Variants in KIF20B observed in about 807,000 individuals in gnomAD.
KIF20B encodes the protein kinesin-like protein KIF20B.
Under a neutral mutation model 232.5 loss-of-function variants are expected in KIF20B, and 188 were observed. The ratio of observed to expected loss-of-function variants is 0.81; its 90% CI spans 0.72 to 0.91. The LOEUF is 0.91. Among genes scored for constraint, KIF20B ranks in the 40% least tolerant of loss-of-function variants. KIF20B has a pLI of 0.00. For synonymous variants in KIF20B, 712 were observed against 683.0 expected, an observed-to-expected ratio of 1.04 and a Z score of -0.66; for missense variants, 2,154 against 2,055.9, an observed-to-expected ratio of 1.05 and a Z score of -0.92.
intron 22 of KIF20B, among the ~76,000 whole-genome samples, chr10:89,745,009 C>T (rs1178662720): frequency 6.6e-6 from 1 of 152,068 alleles, no homozygotes; most frequent in African/African-American, 2.4e-5. Flanking sequence ...TTATTTTTTT[C>T]CAATCTTGCA....
At chr10:89,736,861 C>G (rs1314298140) in intron 19 of KIF20B, among the ~76,000 whole-genome samples, 1 of 152,002 alleles carries the variant, frequency 6.6e-6, no homozygotes, top group African/African-American at 2.4e-5. Context: ...GCTAGTAAGG[C>G]TATATTATAT....
chr10:89,757,022 T>TTGTGTGTGTGTGTGTGTGTGTG (rs377304425), intron 26 of KIF20B, among the ~76,000 whole-genome samples: 1 of 122,836 alleles, frequency 8.1e-6, no homozygotes, highest in African/African-American at 3.3e-5. Context: ...TATATCTCTG[T>TTGTGTGTGTGTGTGTGTGTGTG]TGTGTGTGTG....
intron 8 of KIF20B, among the ~76,000 whole-genome samples, chr10:89,716,071 TAATA>T (rs1462058154): frequency 6.6e-6 from 1 of 152,206 alleles, no homozygotes; most frequent in Non-Finnish European, 1.5e-5. Flanking sequence ...TATGATTCAC[TAATA>T]AATTACAATC....
chr10:89,733,324 A>C (rs959488495), intron 19 of KIF20B, among the ~76,000 whole-genome samples: 1 of 152,148 alleles, frequency 6.6e-6, no homozygotes, highest in African/African-American at 2.4e-5. Flanking sequence ...TAATAGTTAA[A>C]ACTCATTACT....
At chr10:89,750,885 T>TA (rs528907549) in intron 23 of KIF20B, among the ~76,000 whole-genome samples, 351 of 151,948 alleles carry the variant, frequency 2.3e-3, no homozygotes, top group African/African-American at 7.5e-3. Flanking sequence ...TACTTGATGT[T>TA]AAAAAAAATA....
chr10:89,756,760 T>C (rs1234476720), intron 26 of KIF20B, among the ~76,000 whole-genome samples: 2 of 152,054 alleles, frequency 1.3e-5, no homozygotes, highest in Non-Finnish European at 2.9e-5. Context: ...TTATGTAAAT[T>C]GAAATATATG....
chr10:89,754,644 G>A lies in KIF20B; in HGVS notation c.4474G>A (p.Glu1492Lys). 6.3e-7 allele frequency: 1 copy of A among 1,588,016 alleles called. No homozygotes were observed. Reference protein sequence around the residue: ...KEMKKYAEDRERFFKQQNEME... With the variant: ...KEMKKYAEDRKRFFKQQNEME... ...GATGAAAAAATATGCTGAGGACAGG[G>A]AGCGTTTTTTTAAGCAACAGAATGA... is the stretch of plus-strand genomic sequence containing the variant. Residue 1492 changes from glutamate (E) to lysine (K), a missense_variant, in exon 26 of 33, where the codon GAG becomes AAG. Physicochemically the swap from Glu to Lys is moderately conservative, Grantham distance 56. Coordinates refer to ENST00000371728, the MANE Select transcript of KIF20B (RefSeq NM_001284259.2).
At position 89,738,619 on chromosome 10, in the gene KIF20B, T is replaced by C; in HGVS notation, c.3776+2T>C. On this transcript the variant is annotated splice_donor_variant, in intron 20 of 32. Transcript: ENST00000371728. LOFTEE classifies it high-confidence loss of function. ...AACCAACAGGCAAGAAACAGAAAAGTAAGCTAAATGTTATTCAAAATATTT... is the reference window on the plus strand; with the variant it reads ...AACCAACAGGCAAGAAACAGAAAAGCAAGCTAAATGTTATTCAAAATATTT... 2 of 1,544,468 alleles carry C rather than the reference T, an allele frequency of 1.3e-6. No homozygotes were observed. Among genetic ancestry groups the C allele is most frequent in the Non-Finnish European group, 1.7e-6 (2 of 1,152,696 alleles).
Position 89,768,876 on chromosome 10 carries a change from C to T in KIF20B, c.5230C>T (p.Leu1744Phe). 6.3e-7 allele frequency: 1 copy of T among 1,591,766 alleles called. No individual in the cohort carries two copies. Among genetic ancestry groups the T allele is most frequent in the South Asian group, 1.2e-5 (1 of 86,196 alleles). The change falls in exon 31 of 33, where the codon CTT (leucine) becomes TTT (phenylalanine). Residue 1744 changes from leucine to phenylalanine, a missense_variant. Coordinates refer to ENST00000371728, the MANE Select transcript of KIF20B (RefSeq NM_001284259.2). ...CTTCTTACAACATTCTCCCTCAATT[C>T]TTCAATCAAAAGGTTTGCAGAAAAT... is the stretch of plus-strand genomic sequence containing the variant. ...GDFLQHSPSILQSKAKKIIET... is the reference protein window; with the variant it reads ...GDFLQHSPSIFQSKAKKIIET...
chr10:89,768,685 A>G (rs1334215141), intron 30 of KIF20B, 53 bp from the exon 31 acceptor site: 8 of 1,493,128 alleles, frequency 5.4e-6, no homozygotes, highest in South Asian at 4.0e-5. Context: ...GGCCATAACT[A>G]TTTCCTTCTA....
intron 19 of KIF20B, among the ~76,000 whole-genome samples, chr10:89,735,396 G>GTAGATGA (rs1429908234): frequency 6.6e-6 from 1 of 151,996 alleles, no homozygotes; most frequent in Non-Finnish European, 1.5e-5. Context: ...TTAAAATCTA[G>GTAGATGA]TAGATGAGAG....
chr10:89,727,872 TC>T lies in KIF20B; in HGVS notation c.2248del (p.Gln750LysfsTer10). On this transcript the variant is annotated frameshift_variant, in exon 17 of 33. Coordinates refer to ENST00000371728, the MANE Select transcript of KIF20B (RefSeq NM_001284259.2). LOFTEE classifies it high-confidence loss of function. Reference protein sequence around the residue: ...KRENESDSLIQELETSNKKII... With the variant: ...KRENESDSLIXELETSNKKII... ...TTTTTTCAGAATCAGATTCATTGATTCAAGAGCTTGAGACATCTAATAAGGT... is the reference window on the plus strand; with the variant it reads ...TTTTTTCAGAATCAGATTCATTGATTAAGAGCTTGAGACATCTAATAAGGT... 6.4e-7 allele frequency: 1 copy of T among 1,557,660 alleles called. No individual in the cohort carries two copies. The highest frequency in any genetic ancestry group is 8.8e-7 in the Non-Finnish European group (1 of 1,141,218).
rs147275452 is a variant in KIF20B at position 89,706,462 on chromosome 10, G to C, written c.147+1021G>C. ...CTTTGGTGAATTTTTTTGTGTGTGT[G>C]TTCTCTTTAAGAAACTTTCGCCTTC... On this transcript the variant is annotated intron_variant, in intron 2 of 32. Coordinates refer to ENST00000371728, the MANE Select transcript of KIF20B (RefSeq NM_001284259.2). Among the ~76,000 whole-genome samples, 385 of 152,016 alleles carry C rather than the reference G, an allele frequency of 2.5e-3. 2 individuals are homozygous for C. The highest frequency in any genetic ancestry group is 8.6e-3 in the African/African-American group (358 of 41,508).
chr10:89,764,530 T>C (rs890045333), intron 29 of KIF20B, among the ~76,000 whole-genome samples: 1 of 152,196 alleles, frequency 6.6e-6, no homozygotes, highest in Non-Finnish European at 1.5e-5. Flanking sequence ...AAAGTGTTCC[T>C]ATTTCTCCAC....
intron 23 of KIF20B, among the ~76,000 whole-genome samples, chr10:89,751,045 T>A (rs1251263397): frequency 2.0e-5 from 3 of 152,030 alleles, no homozygotes; most frequent in Non-Finnish European, 2.9e-5. Context: ...GTTAGTTGTA[T>A]CGGAATAGTT....
At chr10:89,741,694 C>T (rs1313760790) in intron 21 of KIF20B, among the ~76,000 whole-genome samples, 2 of 152,088 alleles carry the variant, frequency 1.3e-5, no homozygotes, top group African/African-American at 4.8e-5. Flanking sequence ...TTTCAGTTAC[C>T]TGTGGCCAAC....
intron 13 of KIF20B, among the ~76,000 whole-genome samples, chr10:89,721,739 G>A (rs1843062529): frequency 6.6e-6 from 1 of 151,650 alleles, no homozygotes; most frequent in South Asian, 2.1e-4. Context: ...TTTGTATAAT[G>A]TTGGTTAGTA....
intron 32 of KIF20B, among the ~76,000 whole-genome samples, chr10:89,773,726 C>T (rs933480134): frequency 6.6e-6 from 1 of 151,884 alleles, no homozygotes; most frequent in Non-Finnish European, 1.5e-5. Flanking sequence ...TTATATCTGC[C>T]TTGAATTCAA....
chr10:89,720,028 C>A (rs150972741), intron 13 of KIF20B, among the ~76,000 whole-genome samples: 1 of 152,234 alleles, frequency 6.6e-6, no homozygotes, highest in African/African-American at 2.4e-5. Context: ...TGGGCATTTT[C>A]ATCATGATCA....
Sources: gnomAD v4.1 joint callset for allele counts (sites outside exome capture counted in the v4.1 genomes callset) on GRCh38, gnomAD v4.1.1 for gene constraint, MANE v1.5 for transcripts, NCBI Gene and HGNC (gene_info 2026-07-23, HGNC 2026-07-21) for gene names.